Variants in MCCC1 observed in about 807,000 individuals in gnomAD.
The protein encoded by MCCC1 is methylcrotonyl-CoA carboxylase subunit 1.
MCCC1 carries 64 observed loss-of-function variants against 83.8 expected under a neutral mutation model. The ratio of observed to expected loss-of-function variants is 0.76; its 90% confidence interval spans 0.62 to 0.94. The LOEUF (loss-of-function observed/expected upper bound fraction) is 0.94. MCCC1 is among the 40% of genes least tolerant of loss of function. The pLI is 0.00. For synonymous variants in MCCC1, 322 were observed against 315.4 expected (o/e 1.02, Z -0.22); for missense variants, 807 against 904.7 (o/e 0.89, Z 1.39).
chr3:183,057,672 G>A (rs1373817038), intron 7 of MCCC1, among the ~76,000 whole-genome samples: 1 of 152,174 alleles, frequency 6.6e-6, no homozygotes, highest in Non-Finnish European at 1.5e-5. Context: ...GAGCCCAGGA[G>A]TTCAAGATGA....
In MCCC1 at chr3:183,064,275, T is replaced by C. The variant is rs113221854; in HGVS notation, c.761+6724A>G. Among the ~76,000 whole-genome samples the C allele has an allele frequency of 3.6e-4, 1 of 2,750 alleles. No homozygotes were observed. Among genetic ancestry groups the C allele is most frequent in the Non-Finnish European group, 2.7e-3 (1 of 376 alleles). 1.8% of individuals were successfully genotyped at this position (2,750 alleles called of 152,430 possible). On this transcript the variant is annotated intron_variant, in intron 7 of 18. Transcript: ENST00000265594. This position sits in a 1 kb window ranked among gnomAD's most constrained non-coding sequence, Gnocchi z 4.5. ...ATGGGACTGCTAGAAAAGATCCCCCTTTTTTTTTTAATTCCAAGTGATAAC... is the reference window on the plus strand; with the variant it reads ...ATGGGACTGCTAGAAAAGATCCCCCCTTTTTTTTTAATTCCAAGTGATAAC...
chr3:183,045,092 CTTT>C (rs35283773), intron 10 of MCCC1, among the ~76,000 whole-genome samples: 6 of 137,792 alleles, frequency 4.4e-5, no homozygotes, highest in Non-Finnish European at 3.2e-5. Flanking sequence ...CAAGACTGAT[CTTT>C]TTTTTTTTTT....
intron 17 of MCCC1, among the ~76,000 whole-genome samples, 179 bp downstream of exon 17, chr3:183,019,951 G>A (rs559644095): frequency 2.0e-5 from 3 of 152,270 alleles, no homozygotes; most frequent in African/African-American, 7.2e-5. Flanking sequence ...AGGTAAATGG[G>A]TATTTTCAGT....
chr3:183,053,871 T>C (rs1343603888), intron 8 of MCCC1, among the ~76,000 whole-genome samples: 1 of 144,670 alleles, frequency 6.9e-6, no homozygotes, highest in Admixed American at 7.2e-5. Context: ...ATTAAGGCTA[T>C]AAAGAATTTT....
At chr3:183,053,834 A>T (rs1715188858) in intron 8 of MCCC1, among the ~76,000 whole-genome samples, 1 of 150,752 alleles carries the variant, frequency 6.6e-6, no homozygotes, top group South Asian at 2.1e-4. Flanking sequence ...ACAAAAAAAA[A>T]TTAAAAAATA....
upstream of MCCC1, chr3:183,099,568 T>C (rs1719014513): frequency 6.3e-6 from 7 of 1,113,550 alleles, no homozygotes; most frequent in Admixed American, 1.5e-4. Context: ...GAGCCTACCT[T>C]TGGGCTGATC....
intron 10 of MCCC1, among the ~76,000 whole-genome samples, chr3:183,045,092 C>CTT (rs35283773): frequency 9.6e-4 from 132 of 137,810 alleles, no homozygotes; most frequent in African/African-American, 2.4e-3. Flanking sequence ...CAAGACTGAT[C>CTT]TTTTTTTTTT....
rs749460045 is a variant in MCCC1 at position 183,092,425 on chromosome 3, G to C, written c.257C>G (p.Ser86Cys). The C allele has an allele frequency of 1.8e-5, 29 of 1,614,058 alleles. No homozygotes were observed. Among genetic ancestry groups the C allele is most frequent in the Non-Finnish European group, 2.3e-5 (27 of 1,180,052 alleles). The part of the protein sequence containing the change: ...VAVYSEADRN[S>C]MHVDMADEAY... ...AACACATACCATATCTACATGCATG[G>C]AATTTCTGTCAGCCTCACTATAAAC... Residue 86 changes from serine (S) to cysteine (C), a missense_variant, in exon 3 of 19, where the codon TCC becomes TGC. By Grantham distance (112) the Ser-to-Cys change is moderately radical (BLOSUM62 -1). Transcript: ENST00000265594.
chr3:183,030,338 C>CA (rs915523529), intron 14 of MCCC1, among the ~76,000 whole-genome samples: 8 of 151,948 alleles, frequency 5.3e-5, no homozygotes, highest in East Asian at 1.9e-4. Flanking sequence ...CCAATACACA[C>CA]AAAAAAAATT....
intron 8 of MCCC1, among the ~76,000 whole-genome samples, chr3:183,056,564 T>C (rs1403938479): frequency 6.6e-6 from 1 of 152,152 alleles, no homozygotes; most frequent in Non-Finnish European, 1.5e-5. Flanking sequence ...ATATAACCAG[T>C]AAGGCAGGAA....
chr3:183,095,782 G>A (rs1248121881), intron 1 of MCCC1, among the ~76,000 whole-genome samples: 1 of 152,126 alleles, frequency 6.6e-6, no homozygotes, highest in Non-Finnish European at 1.5e-5. Context: ...TCACACACGA[G>A]ATGAGACTAT....
At chr3:183,102,345 AGAGT>A (rs1228374056), upstream of MCCC1, among the ~76,000 whole-genome samples, 2 of 152,170 alleles carry the variant, frequency 1.3e-5, no homozygotes, top group African/African-American at 2.4e-5. Flanking sequence ...CCTGGGTAAC[AGAGT>A]GAGAGAATGT....
chr3:183,072,462 A>C lies in MCCC1; in HGVS notation c.395T>G (p.Leu132Arg). ...TTCAGCAAATTCCATGTTTTCTGAG[A>C]GAAAACCGCATCCTGGATGGATAGC... ...AQAIHPGCGFLSENMEFAELC... is the reference protein window; with the variant it reads ...AQAIHPGCGFRSENMEFAELC... The change falls in exon 5 of 19, where the codon CTC (leucine) becomes CGC (arginine). Residue 132 changes from leucine to arginine, a missense_variant. Physicochemically the swap from Leu to Arg is moderately radical, Grantham distance 102. Transcript: ENST00000265594. 1.2e-6 allele frequency: 2 copies of C among 1,613,972 alleles called. No homozygotes were observed. The highest frequency in any genetic ancestry group is 1.7e-6 in the Non-Finnish European group (2 of 1,179,882).
intron 12 of MCCC1, 121 bp from the exon 13 acceptor site, chr3:183,037,555 C>A (rs1713728311): frequency 1.1e-6 from 1 of 875,662 alleles, no homozygotes; most frequent in Non-Finnish European, 1.9e-6. Flanking sequence ...AAATAAAAAA[C>A]CTACTAAGGT....
intron 10 of MCCC1, among the ~76,000 whole-genome samples, chr3:183,043,640 T>G (rs1037873258): frequency 6.6e-6 from 1 of 152,206 alleles, no homozygotes; most frequent in African/African-American, 2.4e-5. Context: ...GAAGGCCAGA[T>G]GCCAAATGCC....
rs748536798 is a variant in MCCC1 at position 183,057,350 on chromosome 3, C to A, written c.834G>T (p.Val278=). ...CAATGATCTTCTGATGTCGCCTCTG[C>A]ACACTACAGTCTCTTTCAAACAAGT... ...AVYLFERDCS[V]QRRHQKIIEE... Residue 278 remains valine (V), a synonymous_variant, in exon 8 of 19, where the codon GTG becomes GTT. Coordinates refer to ENST00000265594, the MANE Select transcript of MCCC1 (RefSeq NM_020166.5). 2.5e-6 allele frequency: 4 copies of A among 1,610,380 alleles called. No homozygotes were observed. Among genetic ancestry groups the A allele is most frequent in the Non-Finnish European group, 3.4e-6 (4 of 1,177,994 alleles).
At chr3:183,058,433 T>C (rs572232854) in intron 7 of MCCC1, among the ~76,000 whole-genome samples, 2 of 152,190 alleles carry the variant, frequency 1.3e-5, no homozygotes, top group South Asian at 2.1e-4. Flanking sequence ...CTGGGCAACA[T>C]AGTGAGACTC....
chr3:183,085,428 A>C (rs1218684364), intron 4 of MCCC1, among the ~76,000 whole-genome samples: 1 of 151,966 alleles, frequency 6.6e-6, no homozygotes, highest in African/African-American at 2.4e-5. Context: ...CTAGGAGTTC[A>C]ACACCAGCCT....
chr3:183,066,514 A>T (rs956417800), intron 7 of MCCC1, among the ~76,000 whole-genome samples: 1 of 152,172 alleles, frequency 6.6e-6, no homozygotes, highest in Non-Finnish European at 1.5e-5. Context: ...CATGTTGGTC[A>T]GGCTGGTCTC....
Sources: allele counts gnomAD v4.1 joint callset (sites outside exome capture counted in the v4.1 genomes callset), GRCh38; gene constraint gnomAD v4.1.1; non-coding constraint Gnocchi (gnomAD v3.1); transcripts MANE v1.5; gene names NCBI Gene and HGNC (gene_info 2026-07-23, HGNC 2026-07-21).